Variants in PLAC8 observed in about 807,000 individuals in gnomAD.
The protein encoded by PLAC8 is placenta-specific gene 8 protein.
PLAC8 carries 6 observed loss-of-function variants against 12.6 expected under a neutral mutation model. The ratio of observed to expected loss-of-function variants is 0.48; its 90% CI spans 0.26 to 0.94. The LOEUF is 0.94. Among genes scored for constraint, PLAC8 ranks in the 40% least tolerant of loss-of-function variants. PLAC8 has a pLI of 0.14. For synonymous variants in PLAC8, 54 were observed against 52.6 expected (o/e 1.03, Z -0.11); for missense variants, 122 against 152.7 (o/e 0.80, Z 1.06).
At position 83,097,224 on chromosome 4, in the gene PLAC8, A is replaced by C. The variant is rs542430030; in HGVS notation, c.244-2433T>G. Reference sequence around the variant, plus strand: ...CAATCTTCTGTCTGTCTCTATTTACATGTGGGGTGTGTGTGTGTGTGGGTG... The same window carrying C: ...CAATCTTCTGTCTGTCTCTATTTACCTGTGGGGTGTGTGTGTGTGTGGGTG... On this transcript the variant is annotated intron_variant, in intron 3 of 4. Transcript: ENST00000311507. Among the ~76,000 whole-genome samples the C allele has an allele frequency of 6.6e-5, 10 of 151,786 alleles. No homozygotes were observed. In the South Asian group the frequency reaches 1.9e-3, roughly 28 times the overall value.
At chr4:83,111,978 C>A (rs901759534) in intron 1 of PLAC8, among the ~76,000 whole-genome samples, 3 of 151,818 alleles carry the variant, frequency 2.0e-5, no homozygotes, top group Admixed American at 6.6e-5. Flanking sequence ...AGTTCGAGAC[C>A]AACCTGAACA....
intron 3 of PLAC8, among the ~76,000 whole-genome samples, chr4:83,100,237 T>C (rs1422942501): frequency 1.2e-4 from 17 of 146,058 alleles, no homozygotes; most frequent in Admixed American, 3.5e-4. Flanking sequence ...GCCAAGATCG[T>C]GCCACTGCAC....
chr4:83,107,764 C>T, intron 2 of PLAC8, 40 bp downstream of exon 2: 3 of 1,229,476 alleles, frequency 2.4e-6, no homozygotes, highest in Middle Eastern at 2.0e-4. Context: ...GGTAATTCAC[C>T]TCGGTATCAA....
chr4:83,110,428 A>G (rs1444981580), intron 1 of PLAC8, among the ~76,000 whole-genome samples: 1 of 152,176 alleles, frequency 6.6e-6, no homozygotes, highest in African/African-American at 2.4e-5. Flanking sequence ...CCCCTTTTAC[A>G]ATAATTAGCT....
chr4:83,100,066 C>A (rs1015369919), intron 3 of PLAC8, among the ~76,000 whole-genome samples: 1 of 149,420 alleles, frequency 6.7e-6, no homozygotes, highest in African/African-American at 2.5e-5. Flanking sequence ...GTCAGGAGAT[C>A]GAGACCATCT....
chr4:83,105,366 A>C (rs540623957), intron 2 of PLAC8, among the ~76,000 whole-genome samples: 1 of 151,966 alleles, frequency 6.6e-6, no homozygotes, highest in African/African-American at 2.4e-5. Context: ...GATCATAGGG[A>C]AAGTTCTCCA....
intron 3 of PLAC8, among the ~76,000 whole-genome samples, chr4:83,095,722 T>C (rs1012829001): frequency 1.3e-5 from 2 of 152,130 alleles, no homozygotes; most frequent in Admixed American, 6.6e-5. Flanking sequence ...TTTGGAGATA[T>C]GGAGGAAAAT....
chr4:83,113,915 G>A (rs573081065), intron 1 of PLAC8, among the ~76,000 whole-genome samples: 1 of 151,596 alleles, frequency 6.6e-6, no homozygotes. Context: ...CTTCACTCCT[G>A]AGGACAGCCC....
chr4:83,108,667 AG>A (rs1732322161), intron 1 of PLAC8, among the ~76,000 whole-genome samples: 1 of 152,208 alleles, frequency 6.6e-6, no homozygotes. Flanking sequence ...TCGTGGGGTA[AG>A]GGAGCTGAAG....
chr4:83,091,399 G>C (rs1731804625), intron 4 of PLAC8, among the ~76,000 whole-genome samples: 1 of 152,148 alleles, frequency 6.6e-6, no homozygotes, highest in Non-Finnish European at 1.5e-5. Flanking sequence ...ATGTGCCTCA[G>C]TTTAGGTTTG....
intron 3 of PLAC8, among the ~76,000 whole-genome samples, chr4:83,096,952 A>G (rs548850474): frequency 2.8e-4 from 42 of 152,316 alleles, no homozygotes; most frequent in African/African-American, 9.1e-4. Context: ...TTGCTTTGCA[A>G]TGAAATGCAC....
intron 3 of PLAC8, among the ~76,000 whole-genome samples, chr4:83,099,061 A>G (rs1036741649): frequency 5.9e-5 from 9 of 152,108 alleles, no homozygotes; most frequent in Admixed American, 1.3e-4. Context: ...ATGACTTAGT[A>G]TATGTTAACA....
intron 1 of PLAC8, among the ~76,000 whole-genome samples, chr4:83,113,223 C>G (rs1199717825): frequency 1.3e-5 from 2 of 152,206 alleles, no homozygotes; most frequent in Non-Finnish European, 2.9e-5. Flanking sequence ...CTCACAGACA[C>G]GGCTTGGTGA....
chr4:83,095,221 C>T lies in PLAC8; in HGVS notation c.244-430G>A, dbSNP rs113051713. ...GGAATCTCCAGGGTCATGGTGAAGG[C>T]AGATCCCAGGATGAGAGCTAAGCAC... On this transcript the variant is annotated intron_variant, in intron 3 of 4. Coordinates refer to ENST00000311507, the MANE Select transcript of PLAC8 (RefSeq NM_016619.3). Among the ~76,000 whole-genome samples, 1,347 of 152,242 alleles carry T rather than the reference C, an allele frequency of 8.8e-3. 25 individuals carry two copies. The highest frequency in any genetic ancestry group is 0.03 in the African/African-American group (1,263 of 41,542).
At chr4:83,101,971 T>C (rs1261388899) in intron 3 of PLAC8, among the ~76,000 whole-genome samples, 2 of 152,204 alleles carry the variant, frequency 1.3e-5, no homozygotes, top group East Asian at 1.9e-4. Flanking sequence ...TTTCAAAATA[T>C]TACTGTTCAC....
At chr4:83,101,428 G>T (rs1732099155) in intron 3 of PLAC8, among the ~76,000 whole-genome samples, 1 of 152,172 alleles carries the variant, frequency 6.6e-6, no homozygotes, top group Non-Finnish European at 1.5e-5. Flanking sequence ...CAAAAGAAAA[G>T]TCTGAAGCTA....
chr4:83,112,683 T>A (rs1361251904), intron 1 of PLAC8, among the ~76,000 whole-genome samples: 1 of 152,222 alleles, frequency 6.6e-6, no homozygotes, highest in East Asian at 1.9e-4. Context: ...TTGAAAGTTA[T>A]AAAACAGATG....
Position 83,090,794 on chromosome 4 carries a change from G to A in PLAC8, c.*187C>T, listed in dbSNP as rs941295013. 1.1e-4 allele frequency: 16 copies of A among 151,980 alleles called. No homozygotes were observed. The highest frequency in any genetic ancestry group is 8.5e-4 in the Admixed American group (13 of 15,230). 9.4% of individuals were successfully genotyped at this position (151,980 alleles called of 1,614,324 possible). On this transcript the variant is annotated 3_prime_UTR_variant, in exon 5 of 5. Transcript: ENST00000311507. Reference sequence around the variant, plus strand: ...TATGAAAGCAAGGAGAAACTAAGTTGCACCATTTAGCTAAGTTCAGGGACA... The same window carrying A: ...TATGAAAGCAAGGAGAAACTAAGTTACACCATTTAGCTAAGTTCAGGGACA...
chr4:83,108,851 T>C (rs1732333904), intron 1 of PLAC8, among the ~76,000 whole-genome samples: 1 of 152,218 alleles, frequency 6.6e-6, no homozygotes, highest in South Asian at 2.1e-4. Flanking sequence ...CCTAATTTAT[T>C]CTTTTTTGTT....
Sources: gnomAD v4.1 joint callset for allele counts (sites outside exome capture counted in the v4.1 genomes callset) on GRCh38, gnomAD v4.1.1 for gene constraint, MANE v1.5 for transcripts, NCBI Gene and HGNC (gene_info 2026-07-23, HGNC 2026-07-21) for gene names.